SLIT2: variants seen among roughly 807,000 people sequenced by gnomAD.
SLIT2 encodes the protein slit homolog 2 protein.
SLIT2 carries 41 observed loss-of-function variants against 185.7 expected under a neutral mutation model. The ratio of observed to expected loss-of-function variants is 0.22; its 90% CI spans 0.17 to 0.29. SLIT2 has a LOEUF of 0.29. SLIT2 is among the 10% of genes least tolerant of loss of function. The probability of loss-of-function intolerance (pLI) is 1.00; values close to 1 mark genes in which losing one functional copy is unlikely to be tolerated. For synonymous variants in SLIT2, 693 were observed against 680.2 expected (o/e 1.02, Z -0.29); for missense variants, 1,571 against 1,909.0 (o/e 0.82, Z 3.30).
intron 4 of SLIT2, among the ~76,000 whole-genome samples, chr4:20,360,932 G>A (rs148963086): frequency 1.3e-5 from 2 of 152,116 alleles, no homozygotes; most frequent in African/African-American, 2.4e-5. Context: ...CATCACCCTT[G>A]TTTTGCAAAC....
At chr4:20,594,244 CAT>C (rs1727780221) in intron 30 of SLIT2, among the ~76,000 whole-genome samples, 1 of 145,918 alleles carries the variant, frequency 6.9e-6, no homozygotes, top group South Asian at 2.1e-4. Context: ...TGTGTATATA[CAT>C]ATACATATAC....
intron 4 of SLIT2, among the ~76,000 whole-genome samples, chr4:20,459,955 C>G (rs1431199015): frequency 2.0e-5 from 3 of 151,670 alleles, no homozygotes; most frequent in Admixed American, 6.6e-5. Flanking sequence ...CCTCTGCCTC[C>G]CAGTTTCAAG....
intron 4 of SLIT2, among the ~76,000 whole-genome samples, chr4:20,298,207 G>A (rs1716685777): frequency 6.6e-6 from 1 of 151,624 alleles, no homozygotes; most frequent in African/African-American, 2.4e-5. Context: ...TCCTGCCTCA[G>A]CCTCCTGAGT....
In SLIT2 at chr4:20,539,511, C is replaced by T; in HGVS notation, c.1903C>T (p.Leu635Phe). The T allele has an allele frequency of 5.0e-6, 8 of 1,613,356 alleles. No individual in the cohort carries two copies. Among genetic ancestry groups the T allele is most frequent in the Non-Finnish European group, 6.8e-6 (8 of 1,179,474 alleles). Reference sequence around the variant, plus strand: ...CATAGGACTCAGTTCTGTGCGTTTGCTTTCTTTGTATGATAATCAAATTAC... The same window carrying T: ...CATAGGACTCAGTTCTGTGCGTTTGTTTTCTTTGTATGATAATCAAATTAC... ...SFIGLSSVRL[L>F]SLYDNQITTV... The change falls in exon 19 of 37, where the codon CTT becomes TTT. Residue 635 changes from leucine (L) to phenylalanine (F), a missense_variant. Physicochemically the swap from Leu to Phe is conservative, Grantham distance 22. This residue lies in a region of SLIT2 where 1,202 missense variants were observed against 1,416.4 expected (regional missense o/e 0.85). Transcript: ENST00000504154.
chr4:20,569,252 C>T lies in SLIT2; in HGVS notation c.3088+248C>T, dbSNP rs1475254278. The stretch of plus-strand genomic sequence containing the variant: ...CCATGCTATCCAGTAATAAAAGAAG[C>T]TATTTTGCTAAAGCTTTTAGTCCCA... On this transcript the variant is annotated intron_variant, in intron 29 of 36. Transcript: ENST00000504154. 7.0e-6 allele frequency: 3 copies of T among 427,974 alleles called. No homozygotes were observed. In the East Asian group the frequency reaches 1.3e-4, roughly 19 times the overall value. 26.5% of individuals were successfully genotyped at this position (427,974 alleles called of 1,614,324 possible). A position where few individuals can be genotyped will look rare whatever the true frequency, so the allele number is the denominator to read the frequency against.
Position 20,596,613 on chromosome 4 carries a change from T to C in SLIT2, c.3519T>C (p.Ile1173=), listed in dbSNP as rs776892506. 1 of 1,613,950 alleles carries C rather than the reference T, an allele frequency of 6.2e-7. No individual in the cohort carries two copies. The highest frequency in any genetic ancestry group is 2.2e-5 in the East Asian group (1 of 44,840). ...TAAACAAAGAGTCTTATCTTCAGAT[T>C]CCTTCAGCCAAGGTTCGGCCTCAGA... ...NFINKESYLQ[I]PSAKVRPQTN... The change falls in exon 32 of 37, where the codon ATT becomes ATC. Residue 1173 remains isoleucine, a synonymous_variant. Coordinates refer to ENST00000504154, the MANE Select transcript of SLIT2 (RefSeq NM_004787.4).
intron 4 of SLIT2, among the ~76,000 whole-genome samples, chr4:20,326,111 A>C (rs1478489602): frequency 1.3e-5 from 2 of 152,120 alleles, no homozygotes; most frequent in Middle Eastern, 3.2e-3. Flanking sequence ...AAGATGCTGG[A>C]GTATAAATAG....
chr4:20,550,973 A>T lies in SLIT2; in HGVS notation c.2561+75A>T, dbSNP rs549763336. On this transcript the variant is annotated intron_variant, in intron 25 of 36. Transcript: ENST00000504154. Reference sequence around the variant, plus strand: ...GAGTGACTTGGAACATTCCTCTGCCAGTTATTTTACTGTAACATCATAAGA... The same window carrying T: ...GAGTGACTTGGAACATTCCTCTGCCTGTTATTTTACTGTAACATCATAAGA... 51 of 794,400 alleles carry T rather than the reference A, an allele frequency of 6.4e-5. 1 individual carries two copies. The East Asian group carries it at 1.3e-3, about 20-fold the overall frequency. 49.2% of individuals were successfully genotyped at this position (794,400 alleles called of 1,614,324 possible).
chr4:20,311,705 A>G (rs1308475951), intron 4 of SLIT2, among the ~76,000 whole-genome samples: 1 of 152,172 alleles, frequency 6.6e-6, no homozygotes, highest in African/African-American at 2.4e-5. Context: ...ATCATTCTTT[A>G]TGGAAGATTT....
At chr4:20,360,320 G>A (rs1216082061) in intron 4 of SLIT2, among the ~76,000 whole-genome samples, 1 of 152,150 alleles carries the variant, frequency 6.6e-6, no homozygotes, top group Non-Finnish European at 1.5e-5. Flanking sequence ...CTGAAAGTGA[G>A]AGGTAAGTCG....
chr4:20,426,379 G>C (rs534058128), intron 4 of SLIT2, among the ~76,000 whole-genome samples: 94 of 152,264 alleles, frequency 6.2e-4, no homozygotes, highest in Non-Finnish European at 9.1e-4. Flanking sequence ...TGGGGAATCA[G>C]ATTCTTTAGA....
intron 11 of SLIT2, among the ~76,000 whole-genome samples, chr4:20,515,892 T>C (rs1422943096): frequency 6.6e-6 from 1 of 152,176 alleles, no homozygotes; most frequent in Non-Finnish European, 1.5e-5. Flanking sequence ...CTCGGCTCAC[T>C]GCAACCTCCG....
chr4:20,366,733 G>C (rs951970985), intron 4 of SLIT2, among the ~76,000 whole-genome samples: 2 of 152,088 alleles, frequency 1.3e-5, no homozygotes, highest in African/African-American at 4.8e-5. Context: ...GAAAACGGCA[G>C]TTTTAGTGTT....
intron 22 of SLIT2, among the ~76,000 whole-genome samples, chr4:20,547,087 C>CTGA (rs1025754595): frequency 2.0e-5 from 3 of 152,078 alleles, no homozygotes; most frequent in Non-Finnish European, 4.4e-5. Context: ...AAAATTGCTG[C>CTGA]TGATCACTTT....
chr4:20,342,172 G>T (rs776722371), intron 4 of SLIT2, among the ~76,000 whole-genome samples: 1 of 152,052 alleles, frequency 6.6e-6, no homozygotes, highest in Non-Finnish European at 1.5e-5. Context: ...GGAAATTAGT[G>T]ATTTCCTTTA....
chr4:20,584,793 A>G (rs537722681), intron 29 of SLIT2, among the ~76,000 whole-genome samples: 4 of 152,218 alleles, frequency 2.6e-5, no homozygotes, highest in African/African-American at 9.6e-5. Flanking sequence ...AAAACTCTAT[A>G]CCTGTAATCC....
intron 4 of SLIT2, among the ~76,000 whole-genome samples, chr4:20,383,581 T>C (rs1026889379): frequency 2.0e-5 from 3 of 152,182 alleles, no homozygotes; most frequent in African/African-American, 7.2e-5. Flanking sequence ...TTAGCAACCA[T>C]GTGAAACAAC....
At position 20,619,210 on chromosome 4, in the gene SLIT2, T is replaced by C; in HGVS notation, c.*201T>C. The stretch of plus-strand genomic sequence containing the variant: ...GCTTGAACTAAAGCTTCCCCTATGC[T>C]GGAGAAGTATGAAGAAAGATATACC... On this transcript the variant is annotated 3_prime_UTR_variant, in exon 37 of 37. Coordinates refer to ENST00000504154, the MANE Select transcript of SLIT2 (RefSeq NM_004787.4). 1.9e-6 allele frequency: 1 copy of C among 524,760 alleles called. No individual in the cohort carries two copies. 32.5% of individuals were successfully genotyped at this position (524,760 alleles called of 1,614,324 possible). A position where few individuals can be genotyped will look rare whatever the true frequency, so the allele number is the denominator to read the frequency against.
intron 34 of SLIT2, among the ~76,000 whole-genome samples, chr4:20,612,123 A>G (rs866256997): frequency 6.6e-6 from 1 of 151,716 alleles, no homozygotes; most frequent in African/African-American, 2.4e-5. Flanking sequence ...CACACCCATA[A>G]TCTCAGCACT....
Sources: allele counts gnomAD v4.1 joint callset (sites outside exome capture counted in the v4.1 genomes callset), GRCh38; gene constraint gnomAD v4.1.1; regional missense constraint gnomAD v4.1.1; transcripts MANE v1.5; gene names NCBI Gene and HGNC (gene_info 2026-07-23, HGNC 2026-07-21).